The following GALNT2 variants were observed in gnomAD, a reference collection of about 807,000 sequenced individuals.
GALNT2 encodes the protein UDP-GalNAc:polypeptide N-acetylgalactosaminyltransferase 2.
A neutral mutation model predicts 81.4 loss-of-function variants in GALNT2; 31 were observed. The ratio of observed to expected loss-of-function variants is 0.38; its 90% CI spans 0.29 to 0.51. The LOEUF is 0.51. Ranked by LOEUF, GALNT2 falls within the 20% of genes least tolerant of loss-of-function variation. The pLI is 0.87. For missense variants in GALNT2, 629 were observed against 765.7 expected (o/e 0.82, Z 2.11); for synonymous variants, 303 against 287.4 (o/e 1.05, Z -0.55).
At chr1:230,262,530 A>C (rs1200698755) in intron 11 of GALNT2, 43 bp from the exon 12 acceptor site, 2 of 1,545,810 alleles carry the variant, frequency 1.3e-6, no homozygotes, top group African/African-American at 2.7e-5. Flanking sequence ...TGATGCAGAC[A>C]GAAAGAAAGG....
At chr1:230,250,435 C>T (rs770957624) in intron 9 of GALNT2, 22 bp from the exon 10 acceptor site, 4 of 1,595,584 alleles carry the variant, frequency 2.5e-6, no homozygotes, top group African/African-American at 1.3e-5. Flanking sequence ...CTCCCTCCCC[C>T]CTCTTCTTTC....
chr1:230,129,434 C>T (rs1189234173), intron 1 of GALNT2, among the ~76,000 whole-genome samples: 1 of 152,210 alleles, frequency 6.6e-6, no homozygotes, highest in African/African-American at 2.4e-5. Flanking sequence ...CCTCCCTCCT[C>T]AGCCTCCTAA....
chr1:230,162,846 A>T (rs1662476944), intron 1 of GALNT2, among the ~76,000 whole-genome samples: 1 of 152,192 alleles, frequency 6.6e-6, no homozygotes, highest in Non-Finnish European at 1.5e-5. Flanking sequence ...GTCTGTTGGC[A>T]TTGGAACCTA....
intron 3 of GALNT2, among the ~76,000 whole-genome samples, chr1:230,212,988 C>T (rs369811354): frequency 4.6e-5 from 7 of 152,184 alleles, no homozygotes; most frequent in African/African-American, 1.4e-4. Flanking sequence ...CGTTTCAAGT[C>T]TCCTTTTCAA....
chr1:230,066,959 A>G (rs1384057585), upstream of GALNT2, among the ~76,000 whole-genome samples: 2 of 149,786 alleles, frequency 1.3e-5, no homozygotes, highest in Non-Finnish European at 3.0e-5. Context: ...TGCTGCAGCC[A>G]TGGAGACGCG....
At chr1:230,207,673 T>C (rs1664104345) in intron 3 of GALNT2, among the ~76,000 whole-genome samples, 1 of 152,104 alleles carries the variant, frequency 6.6e-6, no homozygotes, top group African/African-American at 2.4e-5. Flanking sequence ...ACTGTAGCCT[T>C]TCCCTCTTGG....
chr1:230,227,469 A>G (rs1444059507), intron 3 of GALNT2, among the ~76,000 whole-genome samples: 1 of 150,170 alleles, frequency 6.7e-6, no homozygotes, highest in East Asian at 1.9e-4. Context: ...AGCTATATAT[A>G]TATATGCTAT....
chr1:230,120,527 G>T (rs1450947394), intron 1 of GALNT2, among the ~76,000 whole-genome samples: 1 of 152,150 alleles, frequency 6.6e-6, no homozygotes, highest in African/African-American at 2.4e-5. Flanking sequence ...CCATGTCTAA[G>T]TGGAGTCCCG....
intron 2 of GALNT2, among the ~76,000 whole-genome samples, chr1:230,182,542 C>G (rs955096194): frequency 6.6e-6 from 1 of 152,198 alleles, no homozygotes; most frequent in Non-Finnish European, 1.5e-5. Flanking sequence ...GATTTCCCAG[C>G]TAGCTATCTT....
chr1:230,279,289 C>T lies in GALNT2; in HGVS notation c.1561-14C>T. ...TTGTGCCCACACTCTAAGGCACTCT[C>T]CTGTGTCTTGCAGAAATGGGAACAG... On this transcript the variant is annotated splice_polypyrimidine_tract_variant and intron_variant, in intron 15 of 15. Transcript: ENST00000366672. The surrounding 1 kb of genome is among the most constrained non-coding windows in gnomAD (Gnocchi z 4.6). 6.2e-7 allele frequency: 1 copy of T among 1,612,628 alleles called. No homozygotes were observed. The highest frequency in any genetic ancestry group is 8.5e-7 in the Non-Finnish European group (1 of 1,179,074).
intron 13 of GALNT2, chr1:230,264,922 C>A (rs1665986738): frequency 4.2e-6 from 1 of 239,312 alleles, no homozygotes; most frequent in Admixed American, 5.2e-5. Context: ...TTCTAAATGA[C>A]TTCCAATAAG....
intron 15 of GALNT2, among the ~76,000 whole-genome samples, chr1:230,276,906 G>A (rs1666319996): frequency 6.6e-6 from 1 of 152,206 alleles, no homozygotes; most frequent in African/African-American, 2.4e-5. Flanking sequence ...TACTGGGTGA[G>A]TCTCAAACAC....
rs138005072 is a variant in GALNT2 at position 230,210,967 on chromosome 1, A to G, written c.374+7677A>G. Among the ~76,000 whole-genome samples the G allele has an allele frequency of 2.6e-3, 389 of 152,350 alleles. 2 individuals carry two copies. The highest frequency in any genetic ancestry group is 9.0e-3 in the African/African-American group (374 of 41,594). On this transcript the variant is annotated intron_variant, in intron 3 of 15. Transcript: ENST00000366672. ...GAAGGTTTTCAGCATTAAGTCAGCC[A>G]GCTTGGAGGGAGGCTTTGGCTAAGG...
intron 1 of GALNT2, among the ~76,000 whole-genome samples, chr1:230,132,111 C>T (rs544386300): frequency 6.6e-6 from 1 of 152,272 alleles, no homozygotes; most frequent in South Asian, 2.1e-4. Context: ...TGCTAGCCTT[C>T]CCTTAAAATA....
In GALNT2 at chr1:230,279,476, T is replaced by G; in HGVS notation, c.*18T>G. 1 of 1,611,414 alleles carries G rather than the reference T, an allele frequency of 6.2e-7. No homozygotes were observed. Among genetic ancestry groups the G allele is most frequent in the South Asian group, 1.1e-5 (1 of 90,776 alleles). ...AGCAGTAGGAGGGTCCGGGAGGCCCTGCCGTCCTGTCTCCTGCACCATTGG... is the reference window on the plus strand; with the variant it reads ...AGCAGTAGGAGGGTCCGGGAGGCCCGGCCGTCCTGTCTCCTGCACCATTGG... On this transcript the variant is annotated 3_prime_UTR_variant, in exon 16 of 16. Transcript: ENST00000366672. This position sits in a 1 kb window ranked among gnomAD's most constrained non-coding sequence, Gnocchi z 4.6.
intron 1 of GALNT2, among the ~76,000 whole-genome samples, chr1:230,079,428 G>A (rs1273727156): frequency 6.6e-6 from 1 of 152,240 alleles, no homozygotes; most frequent in African/African-American, 2.4e-5. Context: ...TGGACCCACA[G>A]GTTACTAGCC....
chr1:230,140,261 C>A (rs1344002270), intron 1 of GALNT2, among the ~76,000 whole-genome samples: 1 of 152,224 alleles, frequency 6.6e-6, no homozygotes, highest in Non-Finnish European at 1.5e-5. Context: ...TGTTTGGAGA[C>A]AGGTGATGGT....
intron 12 of GALNT2, 61 bp downstream of exon 12, chr1:230,262,726 G>A (rs996158536): frequency 3.4e-6 from 5 of 1,451,714 alleles, no homozygotes; most frequent in Non-Finnish European, 4.8e-6. Flanking sequence ...GGGGTGGGAG[G>A]TAAGGGGCTG....
rs1666281602 is a variant in GALNT2, at chr1:230,275,696, C to CGT, written c.1560+1132_1560+1133insGT. Among the ~76,000 whole-genome samples the CGT allele has an allele frequency of 7.9e-6, 1 of 127,192 alleles. No individual in the cohort carries two copies. The highest frequency in any genetic ancestry group is 3.5e-5 in the African/African-American group (1 of 28,948). The allele number at this position is 127,192 out of a possible 152,430, so 83.4% of individuals were successfully genotyped here. A position where few individuals can be genotyped will look rare whatever the true frequency, so the allele number is the denominator to read the frequency against. ...CACATGTATACATATGTAAACACCA[C>CGT]ATATATATACACACCACATATACAC... On this transcript the variant is annotated intron_variant, in intron 15 of 15. Coordinates refer to ENST00000366672, the MANE Select transcript of GALNT2 (RefSeq NM_004481.5). The surrounding 1 kb of genome is among the most constrained non-coding windows in gnomAD (Gnocchi z 5.5).
Sources: gnomAD v4.1 joint callset for allele counts (sites outside exome capture counted in the v4.1 genomes callset) on GRCh38, gnomAD v4.1.1 for gene constraint, Gnocchi (gnomAD v3.1) non-coding constraint, MANE v1.5 for transcripts, NCBI Gene and HGNC (gene_info 2026-07-23, HGNC 2026-07-21) for gene names.